The following GRM7 variants were observed in gnomAD, a reference collection of about 807,000 sequenced individuals.
GRM7 encodes metabotropic glutamate receptor 7.
A neutral mutation model predicts 84.5 loss-of-function variants in GRM7; 35 were observed. The observed-to-expected ratio is 0.41, with a 90% CI of 0.32 to 0.55. GRM7 has a LOEUF of 0.55. Ranked by LOEUF, GRM7 falls within the 20% of genes least tolerant of loss-of-function variation. The probability of loss-of-function intolerance (pLI) is 0.19; values close to 1 mark genes in which losing one functional copy is unlikely to be tolerated. For missense variants in GRM7, 1,003 were observed against 1,194.6 expected (o/e 0.84, Z 2.36); for synonymous variants, 487 against 455.1 (o/e 1.07, Z -0.89).
At chr3:6,999,093 G>C (rs1178422388) in intron 1 of GRM7, among the ~76,000 whole-genome samples, 2 of 151,960 alleles carry the variant, frequency 1.3e-5, no homozygotes, top group Non-Finnish European at 2.9e-5. Flanking sequence ...TTTTTGCTCT[G>C]CTTGCTCTTG....
chr3:7,701,323 CGG>C, intron 9 of GRM7, among the ~76,000 whole-genome samples: 1 of 112,422 alleles, frequency 8.9e-6, no homozygotes, highest in African/African-American at 3.5e-5. Flanking sequence ...TTTTTTGAGA[CGG>C]AATCTCACTC....
chr3:7,684,450 A>G (rs531332718), intron 9 of GRM7, among the ~76,000 whole-genome samples: 1 of 152,288 alleles, frequency 6.6e-6, no homozygotes, highest in East Asian at 1.9e-4. Flanking sequence ...ACTTAGTCTC[A>G]ATGTATTTCA....
chr3:7,251,491 T>G (rs770899735), intron 2 of GRM7, among the ~76,000 whole-genome samples: 6 of 152,222 alleles, frequency 3.9e-5, no homozygotes, highest in Admixed American at 6.5e-5. Context: ...TCAGACTTCA[T>G]ATGCGTGAAT....
intron 5 of GRM7, among the ~76,000 whole-genome samples, chr3:7,437,556 T>C (rs1263348023): frequency 1.3e-5 from 2 of 152,100 alleles, no homozygotes; most frequent in Non-Finnish European, 2.9e-5. Flanking sequence ...ATATATAAAT[T>C]TATGGTCTTC....
intron 4 of GRM7, among the ~76,000 whole-genome samples, chr3:7,310,187 A>G (rs1331298613): frequency 6.6e-6 from 1 of 152,152 alleles, no homozygotes; most frequent in Non-Finnish European, 1.5e-5. Context: ...ATACTCATTA[A>G]CATTAGGAAG....
chr3:6,886,095 T>TTATG (rs1553581178), intron 1 of GRM7, among the ~76,000 whole-genome samples: 2 of 150,910 alleles, frequency 1.3e-5, no homozygotes, highest in African/African-American at 4.9e-5. Flanking sequence ...ATAGTTACCA[T>TTATG]TGTGTGTGTG....
At chr3:7,685,180 G>A (rs1278153407) in intron 9 of GRM7, among the ~76,000 whole-genome samples, 2 of 152,160 alleles carry the variant, frequency 1.3e-5, no homozygotes, top group Non-Finnish European at 2.9e-5. Flanking sequence ...TTAACTAAGA[G>A]GCAGCATGGC....
At chr3:7,132,112 A>G (rs980879350) in intron 1 of GRM7, among the ~76,000 whole-genome samples, 5 of 152,128 alleles carry the variant, frequency 3.3e-5, no homozygotes, top group Admixed American at 6.5e-5. Flanking sequence ...ACGTTTCCTA[A>G]ACTTCCAGTT....
At chr3:7,047,356 G>A (rs528888384) in intron 1 of GRM7, among the ~76,000 whole-genome samples, 37 of 152,134 alleles carry the variant, frequency 2.4e-4, no homozygotes, top group African/African-American at 8.7e-4. Flanking sequence ...TGTTACCCAA[G>A]TGCAGTGTGA....
intron 1 of GRM7, among the ~76,000 whole-genome samples, chr3:6,994,953 G>A (rs913850721): frequency 6.6e-6 from 1 of 152,150 alleles, no homozygotes; most frequent in Non-Finnish European, 1.5e-5. Context: ...CACATCATAG[G>A]TTACACTTTA....
At chr3:6,900,254 T>A (rs973413070) in intron 1 of GRM7, among the ~76,000 whole-genome samples, 1 of 152,160 alleles carries the variant, frequency 6.6e-6, no homozygotes, top group African/African-American at 2.4e-5. Context: ...GGGGCTGACA[T>A]GTGAACAGCA....
At chr3:7,285,417 G>A (rs369277217) in intron 2 of GRM7, among the ~76,000 whole-genome samples, 93 of 152,164 alleles carry the variant, frequency 6.1e-4, no homozygotes, top group Admixed American at 1.8e-3. Flanking sequence ...TGTTGTTATC[G>A]TGTGTTTTAT....
At chr3:7,609,775 AC>A (rs957294811) in intron 8 of GRM7, among the ~76,000 whole-genome samples, 1 of 152,212 alleles carries the variant, frequency 6.6e-6, no homozygotes, top group African/African-American at 2.4e-5. Flanking sequence ...TCAGAAGCCC[AC>A]TTGGAGTGAG....
At chr3:7,681,388 C>G (rs1326692286) in intron 9 of GRM7, 1 of 152,198 alleles carries the variant, frequency 6.6e-6, no homozygotes, top group Non-Finnish European at 1.5e-5. Context: ...AGAGAGATAT[C>G]TTTAATAAAA....
At position 7,308,790 on chromosome 3, in the gene GRM7, G is replaced by A. The variant is rs144334737; in HGVS notation, c.1033+2138G>A. On this transcript the variant is annotated intron_variant, in intron 4 of 9. Transcript: ENST00000357716. Reference sequence around the variant, plus strand: ...GGTCCTCTCTTCCTAGGCTGTGGATGCCATGTAGACACAATGCACATATTC... The same window carrying A: ...GGTCCTCTCTTCCTAGGCTGTGGATACCATGTAGACACAATGCACATATTC... 3.7e-3 allele frequency among the ~76,000 whole-genome samples: 568 copies of A among 152,202 alleles called. 3 individuals are homozygous for A. The highest frequency in any genetic ancestry group is 0.013 in the African/African-American group (539 of 41,526).
intron 8 of GRM7, among the ~76,000 whole-genome samples, chr3:7,601,660 G>A (rs191607889): frequency 3.9e-5 from 6 of 152,154 alleles, no homozygotes; most frequent in Admixed American, 1.3e-4. Context: ...GTGTGTTCTC[G>A]TGTATAGGAA....
In GRM7 at chr3:7,378,813, T is replaced by C. The variant is rs562281439; in HGVS notation, c.1034-36210T>C. Among the ~76,000 whole-genome samples the C allele has an allele frequency of 3.3e-5, 5 of 152,310 alleles. No individual in the cohort carries two copies. In the East Asian group the frequency reaches 9.7e-4, roughly 29 times the overall value. On this transcript the variant is annotated intron_variant, in intron 4 of 9. Coordinates refer to ENST00000357716, the MANE Select transcript of GRM7 (RefSeq NM_000844.4). ...TCAGGATTTTGCCACATTTGATTCA[T>C]CTATCTTTTAAAATTTTCTTTAAGC...
rs774785565 is a variant in GRM7 at position 7,564,218 on chromosome 3, T to G, written c.1516-14204T>G. On this transcript the variant is annotated intron_variant, in intron 7 of 9. Coordinates refer to ENST00000357716, the MANE Select transcript of GRM7 (RefSeq NM_000844.4). ...TTAAAGATGACTGTATTGTCACTAA[T>G]AATTGTAATAGACAGAACTCATCAA... Among the ~76,000 whole-genome samples, 3 of 152,318 alleles carry G rather than the reference T, an allele frequency of 2.0e-5. No homozygotes were observed. The South Asian group carries it at 6.2e-4, about 32-fold the overall frequency.
At chr3:7,248,769 C>A (rs1559526606) in intron 2 of GRM7, among the ~76,000 whole-genome samples, 1 of 151,986 alleles carries the variant, frequency 6.6e-6, no homozygotes, top group Non-Finnish European at 1.5e-5. Context: ...TTCAGATATG[C>A]CGCTTGCAAA....
Sources: allele counts gnomAD v4.1 joint callset (sites outside exome capture counted in the v4.1 genomes callset), GRCh38; gene constraint gnomAD v4.1.1; transcripts MANE v1.5; gene names NCBI Gene and HGNC (gene_info 2026-07-23, HGNC 2026-07-21).